OR10S1: variants seen among roughly 807,000 people sequenced by gnomAD.
OR10S1 encodes the protein olfactory receptor 10S1.
For synonymous variants in OR10S1, 167 were observed against 164.1 expected (o/e 1.02, Z -0.13); for missense variants, 415 against 407.9 (o/e 1.02, Z -0.15).
rs767812934 is a variant in OR10S1 at position 123,977,263 on chromosome 11, G to T, written c.402C>A (p.Pro134=). The T allele has an allele frequency of 4.3e-6, 7 of 1,614,188 alleles. No homozygotes were observed. In the South Asian group the frequency reaches 6.6e-5, roughly 15 times the overall value. Residue 134 remains proline (P), a synonymous_variant, in exon 1 of 1, where the codon CCC becomes CCA. Coordinates refer to ENST00000641123, the Ensembl canonical transcript of OR10S1. ...TGTTCATGGCCACTGGGTAGTGCAG[G>T]GGTTGACAGATAGCCAGATAGCGGT...
chr11:123,977,497 G>A lies in OR10S1; in HGVS notation c.168C>T (p.Asp56=), dbSNP rs1165199306. 7.4e-6 allele frequency: 12 copies of A among 1,613,902 alleles called. No individual in the cohort carries two copies. The Admixed American group carries it at 1.2e-4, about 16-fold the overall frequency. Residue 56 remains aspartate, a synonymous_variant, in exon 1 of 1, where the codon GAC becomes GAT. Transcript: ENST00000641123. ...GGTACATGGGTAAGCTGAGGTGAGA[G>A]TCAGAGCCCACAGTTAGGAGGATGA...
chr11:123,977,682 G>A (rs1293990518), exon 1 of OR10S1: 15 of 1,598,916 alleles, frequency 9.4e-6, no homozygotes, highest in Admixed American at 3.3e-5. Context: ...CACACAGAGC[G>A]GCTAGTCATC....
chr11:123,977,364 C>T lies in OR10S1; in HGVS notation c.301G>A (p.Gly101Ser), dbSNP rs139752751. ...AAGCAATAAAGCTGTACGGCACAGCCCTCAAAGGAGATCACCTTCCCATCC... is the reference window on the plus strand; with the variant it reads ...AAGCAATAAAGCTGTACGGCACAGCTCTCAAAGGAGATCACCTTCCCATCC... Residue 101 changes from glycine to serine, a missense_variant, in exon 1 of 1, where the codon GGC (glycine) becomes AGC (serine). Gly to Ser is a moderately conservative substitution (Grantham distance 56, BLOSUM62 0). Coordinates refer to ENST00000641123, the Ensembl canonical transcript of OR10S1. 384 of 1,614,116 alleles carry T rather than the reference C, an allele frequency of 2.4e-4. 1 individual carries two copies. Among genetic ancestry groups the T allele is most frequent in the South Asian group, 4.8e-4 (44 of 91,070 alleles).
At chr11:123,977,433 A>G in exon 1 of OR10S1, 1 of 1,614,070 alleles carries the variant, frequency 6.2e-7, no homozygotes, top group South Asian at 1.1e-5. Flanking sequence ...GTCACTGTAG[A>G]CAAACAGGCA....
chr11:123,976,986 C>T (rs375617131), exon 1 of OR10S1: 27 of 1,613,862 alleles, frequency 1.7e-5, no homozygotes, highest in Admixed American at 3.3e-5. Context: ...ACAGCTGCCA[C>T]GATGAAGATG....
chr11:123,977,154 G>A, exon 1 of OR10S1: 5 of 1,614,244 alleles, frequency 3.1e-6, no homozygotes, highest in Non-Finnish European at 3.4e-6. Context: ...CAGTAGAGCA[G>A]GCGGAAGGTG....
At chr11:123,977,614 G>A in exon 1 of OR10S1, 1 of 1,608,748 alleles carries the variant, frequency 6.2e-7, no homozygotes, top group South Asian at 1.1e-5. Flanking sequence ...AACCCTCCAG[G>A]AAGAAGTGGC....
chr11:123,977,025 C>G, exon 1 of OR10S1: 1 of 1,614,162 alleles, frequency 6.2e-7, no homozygotes, highest in Non-Finnish European at 8.5e-7. Flanking sequence ...ATGAGGCAGC[C>G]TGCAGCCACG....
chr11:123,977,453 G>C, exon 1 of OR10S1: 1 of 1,614,166 alleles, frequency 6.2e-7, no homozygotes, highest in Non-Finnish European at 8.5e-7. Context: ...ATCCAGGAAG[G>C]AGAGGTGCCC....
rs199661662 is a variant in OR10S1, at chr11:123,976,893, C to G, written c.772G>C (p.Val258Leu). 1.9e-6 allele frequency: 3 copies of G among 1,613,990 alleles called. No individual in the cohort carries two copies. The African/African-American group carries it at 4.0e-5, about 22-fold the overall frequency. Residue 258 changes from valine to leucine, a missense_variant, in exon 1 of 1, where the codon GTG becomes CTG. By Grantham distance (32) the Val-to-Leu change is conservative. Transcript: ENST00000641123. ...TGCAGGTAGATACAGACAGGTGGCA[C>G]GTAGTACAGGAGCACCCCAGTGAGC...
In OR10S1 at chr11:123,976,728, G is replaced by A. The variant is rs551280343; in HGVS notation, c.937C>T (p.Arg313Ter). The change falls in exon 1 of 1, where the codon CGA becomes TGA. Residue 313 changes from arginine to a stop codon, truncating the protein, a stop_gained. Transcript: ENST00000641123. LOFTEE classifies it low-confidence loss of function (END_TRUNC). ...GGTGGGCTGCCTGCTGTAGACTCTC[G>A]GAAGCTGCTGCACAAAAGCCTTTGC... 1.3e-4 allele frequency: 206 copies of A among 1,613,432 alleles called. 2 individuals carry two copies. In the South Asian group the frequency reaches 1.9e-3, roughly 15 times the overall value.
exon 1 of OR10S1, chr11:123,976,899 A>G: frequency 6.2e-7 from 1 of 1,614,112 alleles, no homozygotes; most frequent in Non-Finnish European, 8.5e-7. Context: ...GGCACGTAGT[A>G]CAGGAGCACC....
chr11:123,977,110 G>A, exon 1 of OR10S1: 1 of 1,614,248 alleles, frequency 6.2e-7, no homozygotes, highest in South Asian at 1.1e-5. Flanking sequence ...CAGGGGGTAT[G>A]TCGCAGAAGA....
chr11:123,977,128 A>G (rs1421492158), exon 1 of OR10S1: 3 of 1,614,214 alleles, frequency 1.9e-6, no homozygotes, highest in Non-Finnish European at 1.7e-6. Flanking sequence ...AGAAGTAGGC[A>G]ATGTGGCAAG....
chr11:123,977,730 C>G (rs748421047), exon 1 of OR10S1: 8 of 1,555,932 alleles, frequency 5.1e-6, no homozygotes, highest in Non-Finnish European at 7.0e-6. Context: ...GAATAAATAG[C>G]TGTATCCCTT....
Position 123,976,828 on chromosome 11 carries a change from GACAGC to G in OR10S1, c.832_836del (p.Ala278LeufsTer?). ...GCATTGGAGTTACGATTGTGTAGAAGACAGCAGGGGCCCCAGCTCCTGCCTCACTG... is the reference window on the plus strand; with the variant it reads ...GCATTGGAGTTACGATTGTGTAGAAGAGGGGCCCCAGCTCCTGCCTCACTG... On this transcript the variant is annotated frameshift_variant, in exon 1 of 1. Transcript: ENST00000641123. LOFTEE classifies it low-confidence loss of function (END_TRUNC). 1 of 1,614,184 alleles carries G rather than the reference GACAGC, an allele frequency of 6.2e-7. No individual in the cohort carries two copies. The highest frequency in any genetic ancestry group is 8.5e-7 in the Non-Finnish European group (1 of 1,180,024).
chr11:123,977,375 A>C lies in OR10S1; in HGVS notation c.290T>G (p.Ile97Ser). 5 of 1,614,114 alleles carry C rather than the reference A, an allele frequency of 3.1e-6. 1 individual carries two copies. Among genetic ancestry groups the C allele is most frequent in the East Asian group, 2.2e-5 (1 of 44,876 alleles). ...CTGTACGGCACAGCCCTCAAAGGAG[A>C]TCACCTTCCCATCCAGAGTCAGCAG... The change falls in exon 1 of 1, where the codon ATC becomes AGC. Residue 97 changes from isoleucine (I) to serine (S), a missense_variant. Coordinates refer to ENST00000641123, the Ensembl canonical transcript of OR10S1.
exon 1 of OR10S1, chr11:123,976,989 T>C: frequency 1.9e-6 from 3 of 1,613,938 alleles, no homozygotes; most frequent in Non-Finnish European, 2.5e-6. Context: ...GCTGCCACGA[T>C]GAAGATGTAG....
chr11:123,977,586 G>A, exon 1 of OR10S1: 1 of 1,612,504 alleles, frequency 6.2e-7, no homozygotes, highest in South Asian at 1.1e-5. Context: ...AGGCTAGAAT[G>A]TTTAGCGGTG....
Sources: gnomAD v4.1 joint callset for allele counts on GRCh38, gnomAD v4.1.1 for gene constraint, MANE v1.5 for transcripts, NCBI Gene and HGNC (gene_info 2026-07-23, HGNC 2026-07-21) for gene names.